SOX5: variants seen among roughly 807,000 people sequenced by gnomAD.
The protein encoded by SOX5 is transcription factor SOX-5.
A neutral mutation model predicts 92.0 loss-of-function variants in SOX5; 9 were observed. The ratio of observed to expected loss-of-function variants is 0.10; its 90% CI spans 0.06 to 0.17. SOX5 has a LOEUF of 0.17. SOX5 is among the 10% of genes least tolerant of loss of function. The pLI is 1.00. For missense variants in SOX5, 642 were observed against 944.5 expected (o/e 0.68, Z 4.20); for synonymous variants, 344 against 336.3 (o/e 1.02, Z -0.25).
At chr12:24,501,271 G>C (rs1429943985) in intron 1 of SOX5, among the ~76,000 whole-genome samples, 1 of 151,760 alleles carries the variant, frequency 6.6e-6, no homozygotes, top group East Asian at 1.9e-4. Context: ...TGTTGAGCTT[G>C]CATTATTTTC....
intron 3 of SOX5, among the ~76,000 whole-genome samples, chr12:24,274,604 C>T (rs1944199453): frequency 6.6e-6 from 1 of 151,536 alleles, no homozygotes; most frequent in Non-Finnish European, 1.5e-5. Context: ...AACGTCTATG[C>T]TTCCAAACAT....
intron 2 of SOX5, among the ~76,000 whole-genome samples, chr12:23,879,329 T>TG (rs1318415539): frequency 1.2e-5 from 1 of 80,680 alleles, no homozygotes; most frequent in Non-Finnish European, 2.6e-5. Flanking sequence ...TCTAATCTGA[T>TG]GAAAAAAAAA....
chr12:23,701,972 T>C (rs1380626008), intron 6 of SOX5, among the ~76,000 whole-genome samples: 6 of 152,076 alleles, frequency 3.9e-5, no homozygotes, highest in East Asian at 1.9e-4. Context: ...AAATGAACAC[T>C]ACCCATGAGT....
intron 4 of SOX5, among the ~76,000 whole-genome samples, chr12:24,010,267 G>A (rs962302825): frequency 1.3e-5 from 2 of 152,184 alleles, no homozygotes; most frequent in Non-Finnish European, 2.9e-5. Flanking sequence ...GCAAGGATCT[G>A]TGTTGGTTTT....
chr12:24,297,530 AAAT>A, intron 2 of SOX5, among the ~76,000 whole-genome samples: 1 of 152,246 alleles, frequency 6.6e-6, no homozygotes, highest in Non-Finnish European at 1.5e-5. Flanking sequence ...TCTCTTCCTT[AAAT>A]ATTGCTAAAG....
chr12:23,614,875 C>G (rs1592596990), intron 8 of SOX5, among the ~76,000 whole-genome samples: 1 of 152,212 alleles, frequency 6.6e-6, no homozygotes, highest in African/African-American at 2.4e-5. Flanking sequence ...AATCTTGGCT[C>G]ACTGCAACCT....
At chr12:24,212,662 G>A (rs1179835271) in intron 4 of SOX5, among the ~76,000 whole-genome samples, 2 of 152,144 alleles carry the variant, frequency 1.3e-5, no homozygotes, top group East Asian at 1.9e-4. Flanking sequence ...ATGGCAATGG[G>A]GACTTCAAAG....
At chr12:23,684,182 C>T (rs977513855) in intron 6 of SOX5, among the ~76,000 whole-genome samples, 2 of 152,016 alleles carry the variant, frequency 1.3e-5, no homozygotes, top group African/African-American at 4.8e-5. Flanking sequence ...CAGCAATTTA[C>T]ATGTGATTTG....
At chr12:24,236,493 T>C (rs918113594) in intron 3 of SOX5, among the ~76,000 whole-genome samples, 1 of 152,170 alleles carries the variant, frequency 6.6e-6, no homozygotes, top group African/African-American at 2.4e-5. Context: ...ATGGAAGAAA[T>C]TGGCCAGGAA....
At chr12:23,890,812 G>GA (rs76268339) in intron 2 of SOX5, among the ~76,000 whole-genome samples, 83 of 135,850 alleles carry the variant, frequency 6.1e-4, no homozygotes, top group South Asian at 2.3e-3. Context: ...AAGTCAAGTT[G>GA]AAAAAAAAAA....
chr12:24,061,859 T>C (rs543623941), intron 4 of SOX5, among the ~76,000 whole-genome samples: 2 of 152,196 alleles, frequency 1.3e-5, no homozygotes, highest in African/African-American at 4.8e-5. Flanking sequence ...GCATCAATCA[T>C]AGGAACATTA....
At chr12:24,066,628 G>A (rs1212529912) in intron 4 of SOX5, among the ~76,000 whole-genome samples, 8 of 152,040 alleles carry the variant, frequency 5.3e-5, no homozygotes, top group Non-Finnish European at 1.2e-4. Context: ...GAGCAGAGTA[G>A]AAAAAAAGTT....
At chr12:23,679,256 T>G (rs1343052767) in intron 6 of SOX5, among the ~76,000 whole-genome samples, 1 of 152,018 alleles carries the variant, frequency 6.6e-6, no homozygotes, top group African/African-American at 2.4e-5. Flanking sequence ...CAAACCTCAG[T>G]CTCTCACACT....
At chr12:24,556,050 A>G (rs912292678) in intron 1 of SOX5, among the ~76,000 whole-genome samples, 2 of 152,180 alleles carry the variant, frequency 1.3e-5, no homozygotes, top group Non-Finnish European at 2.9e-5. Context: ...TGCCTAGCCA[A>G]ACCTTTCATA....
intron 4 of SOX5, among the ~76,000 whole-genome samples, chr12:23,966,395 G>A (rs949818355): frequency 1.3e-5 from 2 of 151,986 alleles, no homozygotes; most frequent in Non-Finnish European, 2.9e-5. Flanking sequence ...ATTCTGGGGT[G>A]AAAATGAACA....
intron 4 of SOX5, among the ~76,000 whole-genome samples, chr12:24,020,408 G>A (rs1954146645): frequency 6.6e-6 from 1 of 152,132 alleles, no homozygotes; most frequent in South Asian, 2.1e-4. Context: ...AATTAACAAT[G>A]TTCAGGCAGT....
intron 6 of SOX5, among the ~76,000 whole-genome samples, chr12:23,710,203 A>C (rs2091899781): frequency 6.6e-6 from 1 of 152,154 alleles, no homozygotes; most frequent in Non-Finnish European, 1.5e-5. Flanking sequence ...TATGTGGTAC[A>C]TAATTTGGCC....
intron 3 of SOX5, among the ~76,000 whole-genome samples, chr12:24,248,941 C>T (rs1052397167): frequency 3.9e-5 from 6 of 152,144 alleles, no homozygotes; most frequent in Non-Finnish European, 7.3e-5. Context: ...TAGAGAAAGG[C>T]TAAATAATCA....
chr12:23,913,741 GAAAAA>G (rs765548695), intron 1 of SOX5, among the ~76,000 whole-genome samples: 3 of 58,064 alleles, frequency 5.2e-5, no homozygotes, highest in African/African-American at 1.6e-4. Flanking sequence ...TGTCTCAGAA[GAAAAA>G]AAAAAAAAAA....
Sources: gnomAD v4.1 joint callset for allele counts (sites outside exome capture counted in the v4.1 genomes callset) on GRCh38, gnomAD v4.1.1 for gene constraint, MANE v1.5 for transcripts, NCBI Gene and HGNC (gene_info 2026-07-23, HGNC 2026-07-21) for gene names.